EGFR: variants seen among roughly 807,000 people sequenced by gnomAD.
EGFR encodes avian erythroblastic leukemia viral (v-erb-b) oncogene homolog.
A neutral mutation model predicts 143.0 loss-of-function variants in EGFR; 58 were observed. That is an observed-to-expected ratio of 0.41 (90% CI 0.33 to 0.50). The LOEUF (loss-of-function observed/expected upper bound fraction) is 0.50. Among genes scored for constraint, EGFR ranks in the 20% least tolerant of loss-of-function variants. The pLI, the probability that EGFR is intolerant of heterozygous loss-of-function variation, is 0.39. For missense variants in EGFR, 1,307 were observed against 1,579.0 expected (o/e 0.83, Z 2.92); for synonymous variants, 613 against 594.4 (o/e 1.03, Z -0.45).
intron 5 of EGFR, among the ~76,000 whole-genome samples, chr7:55,152,037 C>T (rs1785185000): frequency 6.6e-6 from 1 of 152,202 alleles, no homozygotes; most frequent in South Asian, 2.1e-4. Flanking sequence ...CTTTGGTACC[C>T]ACCTACACAG....
chr7:55,147,304 G>A (rs1029142213), intron 4 of EGFR, among the ~76,000 whole-genome samples: 15 of 152,192 alleles, frequency 9.9e-5, no homozygotes, highest in Admixed American at 3.3e-4. Context: ...GGAACCAGGC[G>A]CAGGTCAGCG....
In EGFR at chr7:55,201,184, C is replaced by A. The variant is rs2128971441; in HGVS notation, c.2947-4C>A. On this transcript the variant is annotated splice_polypyrimidine_tract_variant and splice_region_variant and intron_variant, in intron 24 of 27. Transcript: ENST00000275493. ...TTCTAATAGCCTCAAAATCTCTGCA[C>A]CAGGGGGATGAAAGAATGCATTTGC... The A allele has an allele frequency of 6.2e-7, 1 of 1,614,164 alleles. No individual in the cohort carries two copies. Among genetic ancestry groups the A allele is most frequent in the Non-Finnish European group, 8.5e-7 (1 of 1,180,036 alleles).
At chr7:55,194,301 A>G (rs1194153407) in intron 22 of EGFR, among the ~76,000 whole-genome samples, 1 of 147,090 alleles carries the variant, frequency 6.8e-6, no homozygotes, top group African/African-American at 2.5e-5. Flanking sequence ...GTCTCGGCTC[A>G]CTGCAACCTC....
intron 1 of EGFR, among the ~76,000 whole-genome samples, chr7:55,107,095 T>C (rs1035341717): frequency 1.3e-5 from 2 of 152,176 alleles, no homozygotes; most frequent in Non-Finnish European, 2.9e-5. Flanking sequence ...ACATACACAC[T>C]CAGAAAAGAT....
At position 55,156,551 on chromosome 7, in the gene EGFR, T is replaced by C. The variant is rs1381010963; in HGVS notation, c.1025T>C (p.Ile342Thr). 2.5e-6 allele frequency: 4 copies of C among 1,614,214 alleles called. No homozygotes were observed. In the African/African-American group the frequency reaches 5.3e-5, roughly 22 times the overall value. Residue 342 changes from isoleucine (I) to threonine (T), a missense_variant, in exon 9 of 28, where the codon ATT becomes ACT. This residue lies in a region of EGFR where 311 missense variants were observed against 412.3 expected (regional missense o/e 0.75). Transcript: ENST00000275493. ...PCRKVCNGIG[I>T]GEFKDSLSIN... ...TCTGCAGTGTGTAACGGAATAGGTA[T>C]TGGTGAATTTAAAGACTCACTCTCC...
Position 55,206,933 on chromosome 7 carries a change from A to G in EGFR, c.*1316A>G, listed in dbSNP as rs951930848. ...AGTAAATATGAAACTAGGGTTTGAA[A>G]TTGATAATGCTTTCACAACATTTGC... On this transcript the variant is annotated 3_prime_UTR_variant, in exon 28 of 28. Transcript: ENST00000275493. The G allele has an allele frequency of 1.3e-5, 3 of 233,114 alleles. No individual in the cohort carries two copies. The highest frequency in any genetic ancestry group is 6.6e-5 in the African/African-American group (3 of 45,346). 14.4% of individuals were successfully genotyped at this position (233,114 alleles called of 1,614,324 possible).
At position 55,190,129 on chromosome 7, in the gene EGFR, C is replaced by A. The variant is rs559752271; in HGVS notation, c.2470-1590C>A. Among the ~76,000 whole-genome samples the A allele has an allele frequency of 2.5e-4, 38 of 152,246 alleles. 1 individual carries two copies. In the South Asian group the frequency reaches 5.4e-3, roughly 22 times the overall value. ...GAAGCGCTTCCTCGGCTTCTGCCCC[C>A]CCTCTCCTCTCCCTTTCCACCCACC... On this transcript the variant is annotated intron_variant, in intron 20 of 27. Coordinates refer to ENST00000275493, the MANE Select transcript of EGFR (RefSeq NM_005228.5).
At chr7:55,058,736 C>A (rs890166598) in intron 1 of EGFR, among the ~76,000 whole-genome samples, 2 of 152,066 alleles carry the variant, frequency 1.3e-5, no homozygotes, top group Non-Finnish European at 2.9e-5. Flanking sequence ...TATTGGGGTA[C>A]TAGGCTTAGT....
chr7:55,023,321 C>G (rs1400219173), intron 1 of EGFR, among the ~76,000 whole-genome samples: 1 of 152,094 alleles, frequency 6.6e-6, no homozygotes. Context: ...ATATGGTTCA[C>G]CCACATGTTG....
intron 1 of EGFR, among the ~76,000 whole-genome samples, chr7:55,093,882 G>A (rs1303931055): frequency 2.6e-5 from 4 of 152,124 alleles, no homozygotes; most frequent in East Asian, 1.9e-4. Flanking sequence ...TGGTCCTGTC[G>A]TAACTGTCAC....
At chr7:55,117,112 A>C (rs1038727614) in intron 1 of EGFR, among the ~76,000 whole-genome samples, 3 of 152,258 alleles carry the variant, frequency 2.0e-5, no homozygotes, top group African/African-American at 7.2e-5. Context: ...CACCACCAGC[A>C]GTAGAAAACA....
intron 4 of EGFR, 40 bp downstream of exon 4, chr7:55,146,780 A>G (rs765160581): frequency 6.2e-7 from 1 of 1,613,542 alleles, no homozygotes; most frequent in East Asian, 2.2e-5. Flanking sequence ...TCCAGCTCCT[A>G]TGGGGGACAG....
At chr7:55,151,641 G>A (rs528609006) in intron 5 of EGFR, among the ~76,000 whole-genome samples, 4 of 152,248 alleles carry the variant, frequency 2.6e-5, no homozygotes, top group East Asian at 1.9e-4. Context: ...TTTGGGAGGC[G>A]GAGGCGGTCG....
intron 1 of EGFR, among the ~76,000 whole-genome samples, chr7:55,135,405 G>A (rs6964647): frequency 6.6e-6 from 1 of 151,810 alleles, no homozygotes; most frequent in African/African-American, 2.4e-5. Flanking sequence ...GACTTTTTGA[G>A]TATCACATGT....
intron 19 of EGFR, among the ~76,000 whole-genome samples, chr7:55,175,090 G>A (rs764957300): frequency 1.8e-4 from 27 of 152,230 alleles, no homozygotes; most frequent in African/African-American, 4.3e-4. Context: ...CACGCATGAT[G>A]AGTGAGTGCT....
chr7:55,041,124 A>G (rs1489427344), intron 1 of EGFR, among the ~76,000 whole-genome samples: 3 of 152,246 alleles, frequency 2.0e-5, no homozygotes, highest in Non-Finnish European at 4.4e-5. Flanking sequence ...TAGAAATTCT[A>G]CATAAAATCC....
intron 11 of EGFR, among the ~76,000 whole-genome samples, chr7:55,159,161 T>C (rs778989482): frequency 7.9e-5 from 12 of 152,146 alleles, no homozygotes; most frequent in Non-Finnish European, 1.5e-5. Flanking sequence ...GCCTGCATCA[T>C]CGTGGTCCTG....
Position 55,165,401 on chromosome 7 carries a change from A to G in EGFR, c.1844A>G (p.His615Arg), listed in dbSNP as rs1785923084. 1 of 1,614,028 alleles carries G rather than the reference A, an allele frequency of 6.2e-7. No homozygotes were observed. Among genetic ancestry groups the G allele is most frequent in the African/African-American group, 1.3e-5 (1 of 74,938 alleles). ...GTCTGGAAGTACGCAGACGCCGGCC[A>G]TGTGTGCCACCTGTGCCATCCAAAC... ...TLVWKYADAG[H>R]VCHLCHPNCT... The change falls in exon 15 of 28, where the codon CAT becomes CGT. Residue 615 changes from histidine to arginine, a missense_variant. Physicochemically the swap from His to Arg is conservative, Grantham distance 29 (BLOSUM62 0). This residue lies in a region of EGFR where 5 missense variants were observed against 23.6 expected (regional missense o/e 0.21). Transcript: ENST00000275493.
intron 1 of EGFR, among the ~76,000 whole-genome samples, chr7:55,111,363 CGTTTT>C (rs778088997): frequency 2.3e-4 from 33 of 143,236 alleles, no homozygotes; most frequent in Non-Finnish European, 4.2e-4. Flanking sequence ...GCTTGCTAGA[CGTTTT>C]GTTTTTTTTT....
Sources: allele counts gnomAD v4.1 joint callset (sites outside exome capture counted in the v4.1 genomes callset), GRCh38; gene constraint gnomAD v4.1.1; regional missense constraint gnomAD v4.1.1; transcripts MANE v1.5; gene names NCBI Gene and HGNC (gene_info 2026-07-23, HGNC 2026-07-21).